ST6GAL1: variants seen among roughly 807,000 people sequenced by gnomAD.
ST6GAL1 encodes the protein ST6 beta-galactoside alpha-2,6-sialyltransferase 1, also known as beta-galactoside alpha-2,6-sialyltransferase 1.
Under a neutral mutation model 38.0 loss-of-function variants are expected in ST6GAL1, and 20 were observed. That is an observed-to-expected ratio of 0.53 (90% confidence interval 0.37 to 0.77). The LOEUF (loss-of-function observed/expected upper bound fraction) is 0.77. Ranked by LOEUF, ST6GAL1 falls within the 30% of genes least tolerant of loss-of-function variation. The probability of loss-of-function intolerance (pLI) is 0.00; values close to 1 mark genes in which losing one functional copy is unlikely to be tolerated. For synonymous variants in ST6GAL1, 196 were observed against 188.2 expected (o/e 1.04, Z -0.34); for missense variants, 432 against 496.4 (o/e 0.87, Z 1.23).
chr3:187,029,294 A>G (rs924090601), intron 2 of ST6GAL1, among the ~76,000 whole-genome samples: 3 of 152,098 alleles, frequency 2.0e-5, no homozygotes, highest in African/African-American at 4.8e-5. Flanking sequence ...AGAGAGGGAT[A>G]CTTATCAATT....
chr3:187,065,116 G>A (rs535726557), intron 5 of ST6GAL1, among the ~76,000 whole-genome samples: 16 of 151,408 alleles, frequency 1.1e-4, no homozygotes, highest in African/African-American at 3.4e-4. Context: ...CCCCTGCCTC[G>A]GTCTCCCAAG....
intron 1 of ST6GAL1, among the ~76,000 whole-genome samples, chr3:186,939,389 C>T (rs528691538): frequency 6.6e-6 from 1 of 152,184 alleles, no homozygotes. Flanking sequence ...CTGGGCACTT[C>T]TTAAGCTTTA....
chr3:187,021,606 G>C (rs1224837224), intron 2 of ST6GAL1, among the ~76,000 whole-genome samples: 2 of 151,934 alleles, frequency 1.3e-5, no homozygotes, highest in Admixed American at 1.3e-4. Context: ...CGGGTGTGAT[G>C]GTGGGCGCCT....
At chr3:187,045,580 A>T (rs918770098) in intron 4 of ST6GAL1, among the ~76,000 whole-genome samples, 6 of 152,162 alleles carry the variant, frequency 3.9e-5, no homozygotes, top group Middle Eastern at 3.2e-3. Flanking sequence ...GGTTGATAAG[A>T]TTATTGGTCT....
intron 2 of ST6GAL1, among the ~76,000 whole-genome samples, chr3:187,002,320 C>G (rs1716647025): frequency 6.6e-6 from 1 of 152,202 alleles, no homozygotes; most frequent in Non-Finnish European, 1.5e-5. Context: ...TCAAATGTTT[C>G]TTTATGCTCA....
intron 1 of ST6GAL1, among the ~76,000 whole-genome samples, chr3:186,956,476 G>A (rs1250404622): frequency 6.6e-6 from 1 of 152,156 alleles, no homozygotes; most frequent in Non-Finnish European, 1.5e-5. Flanking sequence ...CAGGCTAAGA[G>A]GGGCATGTGT....
chr3:187,064,698 C>A, intron 5 of ST6GAL1: 2 of 448,932 alleles, frequency 4.5e-6, no homozygotes, highest in Admixed American at 4.7e-5. Flanking sequence ...CCTGGCCGCT[C>A]CATGACAGCA....
chr3:187,030,885 C>T (rs921487666), intron 2 of ST6GAL1, among the ~76,000 whole-genome samples: 5 of 152,138 alleles, frequency 3.3e-5, no homozygotes, highest in African/African-American at 9.7e-5. Context: ...TGAACATTTG[C>T]AATGATGGTG....
Position 187,005,344 on chromosome 3 carries a change from C to T in ST6GAL1, c.-182-33398C>T, listed in dbSNP as rs555706628. On this transcript the variant is annotated intron_variant, in intron 2 of 7. Coordinates refer to ENST00000169298, the MANE Select transcript of ST6GAL1 (RefSeq NM_173216.2). ...AGGCTGGAGTGCAGTGGCGCGATCT[C>T]GGCTCAGTGCAAGCTCCACCTCCCG... is the stretch of plus-strand genomic sequence containing the variant. Among the ~76,000 whole-genome samples, 277 of 144,238 alleles carry T rather than the reference C, an allele frequency of 1.9e-3. 5 individuals carry two copies. Among genetic ancestry groups the T allele is most frequent in the South Asian group, 0.011 (51 of 4,578 alleles). The allele number at this position is 144,238 out of a possible 152,430, so 94.6% of individuals were successfully genotyped here.
chr3:187,029,031 A>G (rs796779588), intron 2 of ST6GAL1, among the ~76,000 whole-genome samples: 17 of 146,436 alleles, frequency 1.2e-4, no homozygotes, highest in African/African-American at 4.3e-4. Context: ...GGTTGCGGTG[A>G]ACAGAGATTG....
intron 5 of ST6GAL1, among the ~76,000 whole-genome samples, chr3:187,065,767 G>C (rs1056991513): frequency 1.3e-5 from 2 of 152,158 alleles, no homozygotes; most frequent in African/African-American, 4.8e-5. Context: ...ATTACTCAGT[G>C]GGGCTTATCT....
At chr3:186,965,456 T>C (rs1249867146) in intron 2 of ST6GAL1, among the ~76,000 whole-genome samples, 1 of 152,226 alleles carries the variant, frequency 6.6e-6, no homozygotes, top group African/African-American at 2.4e-5. Context: ...AATCTCTTCC[T>C]GTGTCCCAAA....
At chr3:187,010,969 C>G (rs934931638) in intron 2 of ST6GAL1, among the ~76,000 whole-genome samples, 2 of 152,146 alleles carry the variant, frequency 1.3e-5, no homozygotes, top group Admixed American at 6.5e-5. Flanking sequence ...TCTTCGGGGC[C>G]GAGAGAACTT....
intron 1 of ST6GAL1, among the ~76,000 whole-genome samples, chr3:186,956,776 C>T (rs1714763755): frequency 6.6e-6 from 1 of 152,202 alleles, no homozygotes; most frequent in Non-Finnish European, 1.5e-5. Context: ...ATCATGCACA[C>T]AGAACATCCG....
intron 2 of ST6GAL1, among the ~76,000 whole-genome samples, chr3:187,029,161 C>T (rs1384915623): frequency 1.3e-5 from 2 of 150,660 alleles, no homozygotes; most frequent in African/African-American, 4.9e-5. Flanking sequence ...CTAGATGTCT[C>T]ACTGTTAATG....
chr3:187,067,871 T>A (rs1313852237), intron 5 of ST6GAL1, among the ~76,000 whole-genome samples: 1 of 152,172 alleles, frequency 6.6e-6, no homozygotes, highest in African/African-American at 2.4e-5. Context: ...TGGAAAATGA[T>A]GGGTCTGAAT....
In ST6GAL1 at chr3:186,956,256, A is replaced by C. The variant is rs542851409; in HGVS notation, c.-324-7529A>C. Among the ~76,000 whole-genome samples, 551 of 152,302 alleles carry C rather than the reference A, an allele frequency of 3.6e-3. 1 individual carries two copies. The highest frequency in any genetic ancestry group is 0.014 in the Middle Eastern group (4 of 294). Reference sequence around the variant, plus strand: ...AAACAAGCCCTTATCTGCAACTTTCAAGTCCAAAAATTTGTGAAAGTCAAG... The same window carrying C: ...AAACAAGCCCTTATCTGCAACTTTCCAGTCCAAAAATTTGTGAAAGTCAAG... On this transcript the variant is annotated intron_variant, in intron 1 of 7. Transcript: ENST00000169298.
chr3:186,946,309 A>G (rs1436476215), intron 1 of ST6GAL1, among the ~76,000 whole-genome samples: 4 of 149,142 alleles, frequency 2.7e-5, no homozygotes, highest in East Asian at 2.0e-4. Flanking sequence ...TTCCATTTCA[A>G]AAAAAAAAAG....
At chr3:186,978,745 G>C (rs1272436077) in intron 2 of ST6GAL1, among the ~76,000 whole-genome samples, 1 of 152,166 alleles carries the variant, frequency 6.6e-6, no homozygotes, top group Non-Finnish European at 1.5e-5. Flanking sequence ...ATTGGGACTA[G>C]AAATACCTCT....
Sources: gnomAD v4.1 joint callset for allele counts (sites outside exome capture counted in the v4.1 genomes callset) on GRCh38, gnomAD v4.1.1 for gene constraint, MANE v1.5 for transcripts, NCBI Gene and HGNC (gene_info 2026-07-23, HGNC 2026-07-21) for gene names.